The following CASQ2 variants were observed in gnomAD, a reference collection of about 807,000 sequenced individuals.
CASQ2 encodes the protein calsequestrin 2.
Under a neutral mutation model 46.5 loss-of-function variants are expected in CASQ2, and 49 were observed. The ratio of observed to expected loss-of-function variants is 1.05; its 90% CI spans 0.84 to 1.34. CASQ2 has a LOEUF of 1.34. CASQ2 is among the 40% of genes most tolerant of loss of function. The pLI is 0.00. For missense variants in CASQ2, 486 were observed against 481.3 expected (o/e 1.01, Z -0.09); for synonymous variants, 174 against 168.5 (o/e 1.03, Z -0.25).
intron 5 of CASQ2, among the ~76,000 whole-genome samples, chr1:115,727,430 G>A (rs1053951779): frequency 1.7e-4 from 26 of 152,210 alleles, no homozygotes; most frequent in Non-Finnish European, 3.2e-4. Flanking sequence ...TCACTCTACT[G>A]CATTTGCCAG....
chr1:115,740,054 A>G (rs1648126210), intron 3 of CASQ2, among the ~76,000 whole-genome samples: 1 of 152,198 alleles, frequency 6.6e-6, no homozygotes, highest in Non-Finnish European at 1.5e-5. Flanking sequence ...GTAGAGAAAG[A>G]ATGATAGACC....
chr1:115,751,686 T>A (rs1434189399), intron 1 of CASQ2, among the ~76,000 whole-genome samples: 1 of 150,250 alleles, frequency 6.7e-6, no homozygotes, highest in African/African-American at 2.5e-5. Flanking sequence ...AAAAAAAAAA[T>A]AGCTCTAGGT....
intron 8 of CASQ2, among the ~76,000 whole-genome samples, chr1:115,707,174 G>T (rs1169374419): frequency 3.3e-5 from 5 of 152,146 alleles, no homozygotes; most frequent in East Asian, 1.9e-4. Context: ...GTGCCACTAT[G>T]CCCAGCTAGT....
rs1435766328 is a variant in CASQ2 at position 115,705,288 on chromosome 1, G to A, written c.843C>T (p.Gly281=). Residue 281 remains glycine, a synonymous_variant, in exon 9 of 11, where the codon GGC becomes GGT. Coordinates refer to ENST00000261448, the MANE Select transcript of CASQ2 (RefSeq NM_001232.4). ...GTTTCAGGATCTCCAGGAATTCGTA[G>A]CCATCTGAAACAGGATTCAAGAGAG... ...VAFAEKSDPD[G]YEFLEILKQV... is the part of the protein sequence containing the mutation. The A allele has an allele frequency of 1.2e-6, 2 of 1,609,368 alleles. No individual in the cohort carries two copies. The highest frequency in any genetic ancestry group is 1.1e-5 in the South Asian group (1 of 90,990).
At chr1:115,732,230 A>G (rs1226859632) in intron 5 of CASQ2, 1 of 152,588 alleles carries the variant, frequency 6.6e-6, no homozygotes, top group Non-Finnish European at 1.5e-5. Flanking sequence ...TAGACACTTA[A>G]TACATGATAG....
At chr1:115,749,305 C>G (rs78530020) in intron 1 of CASQ2, among the ~76,000 whole-genome samples, 2 of 152,192 alleles carry the variant, frequency 1.3e-5, no homozygotes, top group South Asian at 4.1e-4. Flanking sequence ...GTGTGCCTCT[C>G]GTAGGCATGT....
Position 115,724,078 on chromosome 1 carries a change from G to T in CASQ2, c.783+1430C>A, listed in dbSNP as rs956288782. On this transcript the variant is annotated intron_variant, in intron 7 of 10. Transcript: ENST00000261448. Reference sequence around the variant, plus strand: ...AAGAATTAAACAGATAAATACTTCCGTGTTAATTCCTTTCTCCTCCTTCCC... The same window carrying T: ...AAGAATTAAACAGATAAATACTTCCTTGTTAATTCCTTTCTCCTCCTTCCC... 2.0e-5 allele frequency among the ~76,000 whole-genome samples: 3 copies of T among 152,152 alleles called. No individual in the cohort carries two copies. In the South Asian group the frequency reaches 6.2e-4, roughly 31 times the overall value.
At chr1:115,726,947 T>TTG in intron 6 of CASQ2, 45 bp downstream of exon 6, 1 of 1,036,550 alleles carries the variant, frequency 9.6e-7, no homozygotes, top group Non-Finnish European at 1.5e-6. Flanking sequence ...TCCTCTCCAT[T>TTG]CCCCAGACCC....
intron 8 of CASQ2, among the ~76,000 whole-genome samples, chr1:115,708,903 C>T (rs774602190): frequency 3.9e-5 from 6 of 152,182 alleles, no homozygotes; most frequent in Non-Finnish European, 8.8e-5. Flanking sequence ...CTCCTGTTGC[C>T]GATTCTGTGA....
chr1:115,702,878 C>A (rs751271660), intron 10 of CASQ2, 43 bp downstream of exon 10: 1 of 1,437,112 alleles, frequency 7.0e-7, no homozygotes, highest in African/African-American at 1.4e-5. Context: ...GAAGACAGGG[C>A]AGGCCAAGGG....
intron 4 of CASQ2, among the ~76,000 whole-genome samples, chr1:115,735,392 G>A (rs145753694): frequency 9.8e-4 from 149 of 152,280 alleles, no homozygotes; most frequent in African/African-American, 3.4e-3. Context: ...TATGAATTAT[G>A]CTTACTTTGA....
chr1:115,729,247 G>A (rs1395184125), intron 5 of CASQ2, among the ~76,000 whole-genome samples: 6 of 151,566 alleles, frequency 4.0e-5, no homozygotes, highest in African/African-American at 1.5e-4. Flanking sequence ...ATGGGGTTTC[G>A]CCATGTTGGC....
chr1:115,744,196 T>A (rs1343096737), intron 2 of CASQ2, among the ~76,000 whole-genome samples: 1 of 151,030 alleles, frequency 6.6e-6, no homozygotes, highest in Non-Finnish European at 1.5e-5. Context: ...AGGAACTACC[T>A]CCATTCTCTC....
intron 6 of CASQ2, among the ~76,000 whole-genome samples, chr1:115,726,276 C>G (rs945680447): frequency 1.3e-4 from 20 of 152,080 alleles, no homozygotes; most frequent in Non-Finnish European, 2.8e-4. Flanking sequence ...GAGCAGGGGT[C>G]AAAAAACTAC....
chr1:115,725,986 G>A (rs1415026988), intron 6 of CASQ2, among the ~76,000 whole-genome samples: 1 of 152,218 alleles, frequency 6.6e-6, no homozygotes, highest in Non-Finnish European at 1.5e-5. Context: ...ATCATCTGGT[G>A]TATACATTGA....
At position 115,728,961 on chromosome 1, in the gene CASQ2, A is replaced by T. The variant is rs1241277118; in HGVS notation, c.607-1839T>A. 2.7e-5 allele frequency among the ~76,000 whole-genome samples: 4 copies of T among 146,936 alleles called. No homozygotes were observed. In the Admixed American group the frequency reaches 2.7e-4, roughly 10 times the overall value. On this transcript the variant is annotated intron_variant, in intron 5 of 10. Coordinates refer to ENST00000261448, the MANE Select transcript of CASQ2 (RefSeq NM_001232.4). ...AATGCTAAGTAAAAATTTCCCAGGG[A>T]TCTCTTCACTGTCTACCTACCACCA...
intron 9 of CASQ2, among the ~76,000 whole-genome samples, chr1:115,703,212 T>A (rs771322891): frequency 2.6e-5 from 4 of 152,228 alleles, no homozygotes; most frequent in Non-Finnish European, 5.9e-5. Context: ...GAAACATGTG[T>A]CTGCAGCTGT....
At chr1:115,710,734 G>A (rs1471143339) in intron 8 of CASQ2, among the ~76,000 whole-genome samples, 1 of 152,126 alleles carries the variant, frequency 6.6e-6, no homozygotes, top group Non-Finnish European at 1.5e-5. Context: ...CTCAGAGATG[G>A]ATGTAAATAA....
chr1:115,750,473 A>G (rs1391489558), intron 1 of CASQ2, among the ~76,000 whole-genome samples: 5 of 152,242 alleles, frequency 3.3e-5, no homozygotes, highest in Non-Finnish European at 5.9e-5. Flanking sequence ...AGTACAAAAA[A>G]GTGTTTTTTA....
Sources: allele counts gnomAD v4.1 joint callset (sites outside exome capture counted in the v4.1 genomes callset), GRCh38; gene constraint gnomAD v4.1.1; transcripts MANE v1.5; gene names NCBI Gene and HGNC (gene_info 2026-07-23, HGNC 2026-07-21).